AGBL4: variants seen among roughly 807,000 people sequenced by gnomAD.
AGBL4 encodes cytosolic carboxypeptidase 6.
A neutral mutation model predicts 66.4 loss-of-function variants in AGBL4; 58 were observed. That is an observed-to-expected ratio of 0.87 (90% confidence interval 0.71 to 1.09). The LOEUF is 1.09. Among genes scored for constraint, AGBL4 ranks in the 50% least tolerant of loss-of-function variants. The pLI is 0.00. For synonymous variants in AGBL4, 234 were observed against 222.9 expected, an observed-to-expected ratio of 1.05 and a Z score of -0.44; for missense variants, 579 against 631.0, an observed-to-expected ratio of 0.92 and a Z score of 0.88.
intron 3 of AGBL4, among the ~76,000 whole-genome samples, chr1:49,604,321 T>C (rs897954637): frequency 2.6e-5 from 4 of 152,210 alleles, no homozygotes; most frequent in Non-Finnish European, 4.4e-5. Context: ...ATTTTCCTAA[T>C]GATCAGTGAT....
chr1:49,121,914 T>C (rs1645662321), intron 4 of AGBL4, among the ~76,000 whole-genome samples: 1 of 152,216 alleles, frequency 6.6e-6, no homozygotes, highest in Non-Finnish European at 1.5e-5. Context: ...ACCTCAGCAA[T>C]GTCAGACGCC....
chr1:48,849,743 T>C (rs1386455215), intron 6 of AGBL4, among the ~76,000 whole-genome samples: 2 of 152,160 alleles, frequency 1.3e-5, no homozygotes, highest in Non-Finnish European at 2.9e-5. Context: ...GAGGCCGAAG[T>C]GGACGAATCA....
At chr1:48,840,497 T>C (rs1171885218) in intron 6 of AGBL4, among the ~76,000 whole-genome samples, 1 of 152,226 alleles carries the variant, frequency 6.6e-6, no homozygotes, top group African/African-American at 2.4e-5. Flanking sequence ...AATGAATTTA[T>C]GTATTATTAT....
At chr1:48,822,302 C>T (rs1646333586) in intron 6 of AGBL4, among the ~76,000 whole-genome samples, 1 of 152,008 alleles carries the variant, frequency 6.6e-6, no homozygotes, top group South Asian at 2.1e-4. Context: ...AATGGATAAA[C>T]AAATTATGGT....
At chr1:48,556,401 A>T (rs1262196571) in intron 11 of AGBL4, among the ~76,000 whole-genome samples, 1 of 152,168 alleles carries the variant, frequency 6.6e-6, no homozygotes, top group East Asian at 1.9e-4. Context: ...GATATAAAAC[A>T]TGCCTGTTCC....
At chr1:48,884,523 T>C (rs1206605669) in intron 5 of AGBL4, among the ~76,000 whole-genome samples, 1 of 152,204 alleles carries the variant, frequency 6.6e-6, no homozygotes, top group South Asian at 2.1e-4. Context: ...TCAAATCTTT[T>C]CTTCCCTGAG....
chr1:48,831,795 A>G (rs1253413934), intron 6 of AGBL4, among the ~76,000 whole-genome samples: 1 of 152,194 alleles, frequency 6.6e-6, no homozygotes, highest in Non-Finnish European at 1.5e-5. Flanking sequence ...GAATGAATAA[A>G]CACATGTTGT....
chr1:48,889,857 T>A (rs1033477497), intron 5 of AGBL4, among the ~76,000 whole-genome samples: 1 of 152,140 alleles, frequency 6.6e-6, no homozygotes, highest in African/African-American at 2.4e-5. Flanking sequence ...GGTCTTGAAT[T>A]GGGAGGAATT....
chr1:49,702,471 T>C (rs539076571), intron 2 of AGBL4, among the ~76,000 whole-genome samples: 14 of 151,952 alleles, frequency 9.2e-5, no homozygotes, highest in African/African-American at 3.4e-4. Flanking sequence ...AGCCTAGTGA[T>C]AGAGCGAGGC....
At chr1:49,870,329 C>T (rs1400206489) in intron 1 of AGBL4, among the ~76,000 whole-genome samples, 4 of 152,018 alleles carry the variant, frequency 2.6e-5, no homozygotes, top group Admixed American at 6.6e-5. Flanking sequence ...TGACAGTGAA[C>T]TTGTGGAGGA....
chr1:49,849,370 C>G (rs980645273), intron 2 of AGBL4, among the ~76,000 whole-genome samples: 3 of 148,856 alleles, frequency 2.0e-5, no homozygotes, highest in African/African-American at 7.4e-5. Flanking sequence ...TTTACCCTTT[C>G]TAAGATGTCC....
In AGBL4 at chr1:49,081,654, G is replaced by A. The variant is rs550587831; in HGVS notation, c.378-35854C>T. ...AAGTCCTCTGCTTCTTCCCCTATGG[G>A]CTCTGCCCCATCATTCTTTATTCTT... On this transcript the variant is annotated intron_variant, in intron 4 of 13. Coordinates refer to ENST00000371839, the MANE Select transcript of AGBL4 (RefSeq NM_032785.4). Among the ~76,000 whole-genome samples, 4 of 152,264 alleles carry A rather than the reference G, an allele frequency of 2.6e-5. No homozygotes were observed. In the East Asian group the frequency reaches 7.7e-4, roughly 29 times the overall value.
Position 48,534,204 on chromosome 1 carries a change from A to G in AGBL4, c.1481T>C (p.Val494Ala), listed in dbSNP as rs1302346950. The G allele has an allele frequency of 9.7e-6, 15 of 1,551,472 alleles. No individual in the cohort carries two copies. Among genetic ancestry groups the G allele is most frequent in the Admixed American group, 7.8e-5 (4 of 50,966 alleles). Residue 494 changes from valine to alanine, a missense_variant, in exon 14 of 14, where the codon GTG becomes GCG. By Grantham distance (64) the Val-to-Ala change is moderately conservative. Coordinates refer to ENST00000371839, the MANE Select transcript of AGBL4 (RefSeq NM_032785.4). ...AGGGGTTGAAGGGTCTTTGTGGTTC[A>G]CTGAGCTCTTCTTGTCCCCTTTGCT... ...PNSKGDKKSS[V>A]NHKDPSTPF
chr1:49,340,558 C>A lies in AGBL4; in HGVS notation c.283-94694G>T, dbSNP rs541221256. 3.9e-5 allele frequency among the ~76,000 whole-genome samples: 6 copies of A among 152,318 alleles called. No homozygotes were observed. The East Asian group carries it at 1.2e-3, about 29-fold the overall frequency. ...TTACTCAGGTCCTTACTCCAAGAAT[C>A]AGAGCATGAAACCTCAACTTAAATT... On this transcript the variant is annotated intron_variant, in intron 3 of 13. Coordinates refer to ENST00000371839, the MANE Select transcript of AGBL4 (RefSeq NM_032785.4).
chr1:49,629,993 A>C (rs927727147), intron 3 of AGBL4, among the ~76,000 whole-genome samples: 1 of 152,126 alleles, frequency 6.6e-6, no homozygotes, highest in Admixed American at 6.5e-5. Context: ...ACTCTATTAG[A>C]CATCTCCACA....
At chr1:49,174,822 C>A (rs551910622) in intron 4 of AGBL4, 6 of 151,690 alleles carry the variant, frequency 4.0e-5, no homozygotes, top group African/African-American at 1.5e-4. Flanking sequence ...ACATCCTAAA[C>A]TCAAATGGCA....
chr1:49,957,247 T>C (rs1656686561), intron 1 of AGBL4, among the ~76,000 whole-genome samples: 1 of 152,072 alleles, frequency 6.6e-6, no homozygotes, highest in Admixed American at 6.6e-5. Context: ...AAAGCAGATC[T>C]TTTACATTTG....
intron 3 of AGBL4, among the ~76,000 whole-genome samples, chr1:49,586,218 G>A (rs1236219898): frequency 6.6e-6 from 1 of 152,016 alleles, no homozygotes; most frequent in African/African-American, 2.4e-5. Context: ...AAAAAACACC[G>A]AGTTCCAGGA....
chr1:49,281,448 C>T (rs1038342056), intron 3 of AGBL4, among the ~76,000 whole-genome samples: 1 of 152,098 alleles, frequency 6.6e-6, no homozygotes, highest in African/African-American at 2.4e-5. Flanking sequence ...GAACATTCTG[C>T]CAGTGCTAAA....
Sources: gnomAD v4.1 joint callset for allele counts (sites outside exome capture counted in the v4.1 genomes callset) on GRCh38, gnomAD v4.1.1 for gene constraint, MANE v1.5 for transcripts, NCBI Gene and HGNC (gene_info 2026-07-23, HGNC 2026-07-21) for gene names.